The following PLPPR3 variants were observed in gnomAD, a reference collection of about 807,000 sequenced individuals.
The protein encoded by PLPPR3 is phospholipid phosphatase related 3.
In PLPPR3, 14 loss-of-function variants were observed where a neutral mutation model predicts 27.3. The observed-to-expected ratio is 0.51, with a 90% confidence interval of 0.34 to 0.80. PLPPR3 has a LOEUF of 0.80. PLPPR3 is among the 30% of genes least tolerant of loss of function. The pLI is 0.01. For missense variants in PLPPR3, 1,287 were observed against 1,056.9 expected (o/e 1.22, Z -3.02); for synonymous variants, 671 against 508.0 (o/e 1.32, Z -4.32).
chr19:818,121 G>A (rs1269678890), intron 2 of PLPPR3, among the ~76,000 whole-genome samples: 1 of 152,090 alleles, frequency 6.6e-6, no homozygotes, highest in African/African-American at 2.4e-5. Flanking sequence ...GGTGGCTCAC[G>A]CCTGTCATCC....
At chr19:816,308 C>G (rs1297040711) in intron 2 of PLPPR3, among the ~76,000 whole-genome samples, 3 of 149,076 alleles carry the variant, frequency 2.0e-5, no homozygotes, top group African/African-American at 7.4e-5. Context: ...CATCTATCCA[C>G]CCACCCAACT....
chr19:818,447 T>A (rs894098033), intron 2 of PLPPR3, among the ~76,000 whole-genome samples: 8 of 152,046 alleles, frequency 5.3e-5, no homozygotes, highest in African/African-American at 1.9e-4. Flanking sequence ...ACACCTGTAA[T>A]TCCAGTGCTT....
rs925108069 is a variant in PLPPR3 at position 813,909 on chromosome 19, G to A, written c.832-14C>T. On this transcript the variant is annotated splice_polypyrimidine_tract_variant and intron_variant, in intron 7 of 7. Transcript: ENST00000520876. This position sits in a 1 kb window ranked among gnomAD's most constrained non-coding sequence, Gnocchi z 4.1. Reference sequence around the variant, plus strand: ...CGCGTGGCAGGCCTGTCGGGGAGAGGGGTCTGGGGGTGAGGCCTGGGGCTC... The same window carrying A: ...CGCGTGGCAGGCCTGTCGGGGAGAGAGGTCTGGGGGTGAGGCCTGGGGCTC... 5.8e-5 allele frequency: 83 copies of A among 1,422,504 alleles called. No homozygotes were observed. The highest frequency in any genetic ancestry group is 7.3e-5 in the Non-Finnish European group (80 of 1,095,666). 88.1% of individuals were successfully genotyped at this position (1,422,504 alleles called of 1,614,324 possible). A position where few individuals can be genotyped will look rare whatever the true frequency, so the allele number is the denominator to read the frequency against.
chr19:815,797 G>T lies in PLPPR3; in HGVS notation c.130C>A (p.Leu44Ile). 1 of 1,612,830 alleles carries T rather than the reference G, an allele frequency of 6.2e-7. No individual in the cohort carries two copies. Among genetic ancestry groups the T allele is most frequent in the South Asian group, 1.1e-5 (1 of 91,084 alleles). ...AAGCCCACCTTGGCCGGCTTGAAGA[G>T]GTCGGTCAGCTCCAGGAAGTACAAG... ...VSLYFLELTD[L>I]FKPAKVGFQC... Residue 44 changes from leucine (L) to isoleucine (I), a missense_variant, in exon 3 of 8, where the codon CTC becomes ATC. Leu to Ile is a conservative substitution (Grantham distance 5). Transcript: ENST00000520876.
In PLPPR3 at chr19:818,678, C is replaced by T. The variant is rs576986773; in HGVS notation, c.75+2807G>A. ...CCTCCCGAGTAGCTGGGACTACAGG[C>T]GCCCGCCACCGCGCCCGGCTAATTT... On this transcript the variant is annotated intron_variant, in intron 2 of 7. Coordinates refer to ENST00000520876, the MANE Select transcript of PLPPR3 (RefSeq NM_001270366.2). Among the ~76,000 whole-genome samples the T allele has an allele frequency of 3.7e-4, 56 of 151,642 alleles. No homozygotes were observed. In the South Asian group the frequency reaches 0.012, roughly 32 times the overall value.
chr19:822,791 C>G (rs1325536906), upstream of PLPPR3, among the ~76,000 whole-genome samples: 1 of 152,182 alleles, frequency 6.6e-6, no homozygotes, highest in Non-Finnish European at 1.5e-5. Context: ...GGTCGCAATC[C>G]GAGGTCTCCG....
In PLPPR3 at chr19:813,285, C is replaced by G. The variant is rs527549059; in HGVS notation, c.1442G>C (p.Arg481Pro). ...CCCCGCGCGCGGTGGGAGGATGACCCGAGGCCCCAGCCCCGGCCGCGCCTG... is the reference window on the plus strand; with the variant it reads ...CCCCGCGCGCGGTGGGAGGATGACCGGAGGCCCCAGCCCCGGCCGCGCCTG... ...TVQARPGLGPRVILPPRAGPP... is the reference protein window; with the variant it reads ...TVQARPGLGPPVILPPRAGPP... Residue 481 changes from arginine (R) to proline (P), a missense_variant, in exon 8 of 8, where the codon CGG (arginine) becomes CCG (proline). Arg to Pro is a moderately radical substitution (Grantham distance 103). Coordinates refer to ENST00000520876, the MANE Select transcript of PLPPR3 (RefSeq NM_001270366.2). The surrounding 1 kb of genome is among the most constrained non-coding windows in gnomAD (Gnocchi z 4.1). 60 of 1,473,516 alleles carry G rather than the reference C, an allele frequency of 4.1e-5. No homozygotes were observed. The highest frequency in any genetic ancestry group is 5.0e-5 in the Admixed American group (2 of 39,706). 91.3% of individuals were successfully genotyped at this position (1,473,516 alleles called of 1,614,324 possible). A position where few individuals can be genotyped will look rare whatever the true frequency, so the allele number is the denominator to read the frequency against.
chr19:812,528 GCGCCC>G lies in PLPPR3; in HGVS notation c.*37_*41del. ...TTATTGAGCATCCGCGCGGCCGCCC[GCGCCC>G]TCGGCCCGCCCCCCGCCCGCCCCCG... On this transcript the variant is annotated 3_prime_UTR_variant, in exon 8 of 8. Transcript: ENST00000520876. The G allele has an allele frequency of 1.0e-6, 1 of 988,694 alleles. No homozygotes were observed. Among genetic ancestry groups the G allele is most frequent in the Non-Finnish European group, 1.2e-6 (1 of 831,602 alleles). The allele number at this position is 988,694 out of a possible 1,614,324, so 61.2% of individuals were successfully genotyped here.
At chr19:817,610 C>G (rs1599261660) in intron 2 of PLPPR3, among the ~76,000 whole-genome samples, 1 of 152,138 alleles carries the variant, frequency 6.6e-6, no homozygotes, top group Admixed American at 6.6e-5. Context: ...GTTATGGCAT[C>G]TTAGCAGGGG....
chr19:814,254 A>G (rs1298289642), intron 7 of PLPPR3, among the ~76,000 whole-genome samples, 180 bp downstream of exon 7: 1 of 99,042 alleles, frequency 1.0e-5, no homozygotes, highest in African/African-American at 4.3e-5. Flanking sequence ...CCCCGCCAGA[A>G]CCCCTGGGAA....
chr19:814,945 G>A lies in PLPPR3; in HGVS notation c.540C>T (p.Asn180=). ...YTLLGTSCEV[N]PYITQDICSG... ...AGCAGATGTCCTGCGTGATGTAGGG[G>A]TTGACCTCGCAGGACGTGCCCAGGA... is the stretch of plus-strand genomic sequence containing the variant. Residue 180 remains asparagine (N), a synonymous_variant, in exon 5 of 8, where the codon AAC becomes AAT. Transcript: ENST00000520876. 6.2e-7 allele frequency: 1 copy of A among 1,612,512 alleles called. No homozygotes were observed.
chr19:823,450 A>AAAAAAAAACAAAAAC (rs1555703878), upstream of PLPPR3, among the ~76,000 whole-genome samples: 1 of 143,838 alleles, frequency 7.0e-6, no homozygotes, highest in African/African-American at 2.5e-5. Context: ...TCAAAAAAAA[A>AAAAAAAAACAAAAAC]AAAAAAAACA....
intron 2 of PLPPR3, among the ~76,000 whole-genome samples, chr19:818,705 T>C (rs1280503578): frequency 6.6e-6 from 1 of 151,828 alleles, no homozygotes; most frequent in Non-Finnish European, 1.5e-5. Flanking sequence ...GGCTAATTTT[T>C]TGTATTTTTA....
At chr19:818,679 G>GC (rs1285992906) in intron 2 of PLPPR3, among the ~76,000 whole-genome samples, 1 of 151,468 alleles carries the variant, frequency 6.6e-6, no homozygotes, top group African/African-American at 2.4e-5. Context: ...GACTACAGGC[G>GC]CCCGCCACCG....
upstream of PLPPR3, among the ~76,000 whole-genome samples, chr19:823,712 C>T (rs529001679): frequency 1.3e-5 from 2 of 152,232 alleles, no homozygotes; most frequent in African/African-American, 4.8e-5. Flanking sequence ...CAGGGGGGCT[C>T]GGGGAGGCCC....
Position 818,404 on chromosome 19 carries a change from AAATAAT to A in PLPPR3, c.76-2559_76-2554del, listed in dbSNP as rs931099007. 4.6e-5 allele frequency among the ~76,000 whole-genome samples: 7 copies of A among 151,788 alleles called. No individual in the cohort carries two copies. The East Asian group carries it at 1.2e-3, about 25-fold the overall frequency. On this transcript the variant is annotated intron_variant, in intron 2 of 7. Coordinates refer to ENST00000520876, the MANE Select transcript of PLPPR3 (RefSeq NM_001270366.2). ...TCTCAAAAAATAATAATAATAAATA[AAATAAT>A]AATAATAAGGCCGACCGCAGTGGCT...
At chr19:815,899 G>T (rs1568285556) in intron 2 of PLPPR3, 48 bp from the exon 3 acceptor site, 1 of 1,584,322 alleles carries the variant, frequency 6.3e-7, no homozygotes, top group Non-Finnish European at 8.6e-7. Flanking sequence ...CCTCGCGGAG[G>T]CGTCTGTCCA....
Position 813,373 on chromosome 19 carries a change from C to G in PLPPR3, c.1354G>C (p.Glu452Gln). The G allele has an allele frequency of 3.3e-6, 5 of 1,496,562 alleles. No homozygotes were observed. The highest frequency in any genetic ancestry group is 4.4e-6 in the Non-Finnish European group (5 of 1,130,772). 92.7% of individuals were successfully genotyped at this position (1,496,562 alleles called of 1,614,324 possible). The stretch of plus-strand genomic sequence containing the variant: ...TCCTCCTCCTCTTCCTCCTCCTCCT[C>G]TTCCTCTTCGTCCTCCTCCTCTTCC... ...EEEEEEDEEE[E>Q]EEEEEEEDEG... The change falls in exon 8 of 8, where the codon GAG becomes CAG. Residue 452 changes from glutamate to glutamine, a missense_variant. By Grantham distance (29) the Glu-to-Gln change is conservative. Coordinates refer to ENST00000520876, the MANE Select transcript of PLPPR3 (RefSeq NM_001270366.2). The surrounding 1 kb of genome is among the most constrained non-coding windows in gnomAD (Gnocchi z 4.1).
intron 2 of PLPPR3, among the ~76,000 whole-genome samples, chr19:821,283 C>G (rs1185318235): frequency 1.3e-5 from 2 of 151,156 alleles, no homozygotes; most frequent in African/African-American, 4.9e-5. Context: ...CTGGACCCCC[C>G]TCGGTTCCTC....
Sources: allele counts gnomAD v4.1 joint callset (sites outside exome capture counted in the v4.1 genomes callset), GRCh38; gene constraint gnomAD v4.1.1; non-coding constraint Gnocchi (gnomAD v3.1); transcripts MANE v1.5; gene names NCBI Gene and HGNC (gene_info 2026-07-23, HGNC 2026-07-21).